Variants in UGGT2 observed in about 807,000 individuals in gnomAD.
The protein encoded by UGGT2 is UDP-glucose:glycoprotein glucosyltransferase 2.
Under a neutral mutation model 192.1 loss-of-function variants are expected in UGGT2, and 180 were observed. The ratio of observed to expected loss-of-function variants is 0.94; its 90% CI spans 0.83 to 1.06. UGGT2 has a LOEUF of 1.06. Among genes scored for constraint, UGGT2 ranks in the 50% least tolerant of loss-of-function variants. UGGT2 has a pLI of 0.00. For missense variants in UGGT2, 1,849 were observed against 1,795.7 expected, an observed-to-expected ratio of 1.03 and a Z score of -0.54; for synonymous variants, 580 against 591.0, an observed-to-expected ratio of 0.98 and a Z score of 0.27.
intron 15 of UGGT2, among the ~76,000 whole-genome samples, chr13:95,946,482 C>T (rs1248469810): frequency 1.3e-5 from 2 of 152,344 alleles, no homozygotes; most frequent in Non-Finnish European, 2.9e-5. Context: ...GATCCTCCCA[C>T]ATCAGTCTCC....
rs763424210 is a variant in UGGT2 at position 95,985,753 on chromosome 13, T to TGCATGCACC, written c.1031+571_1031+579dup. ...TCTCATAATACGTGGTAACTTGCAT[T>TGCATGCACC]GCATGCACCGGTCTCTTTAAGCTAT... On this transcript the variant is annotated intron_variant, in intron 9 of 38. Coordinates refer to ENST00000376747, the MANE Select transcript of UGGT2 (RefSeq NM_020121.4). Among the ~76,000 whole-genome samples, 53 of 152,212 alleles carry TGCATGCACC rather than the reference T, an allele frequency of 3.5e-4. 1 individual carries two copies. The highest frequency in any genetic ancestry group is 1.5e-4 in the Non-Finnish European group (10 of 67,998).
At chr13:96,000,219 G>A (rs1263203046) in intron 5 of UGGT2, among the ~76,000 whole-genome samples, 1 of 152,168 alleles carries the variant, frequency 6.6e-6, no homozygotes, top group South Asian at 2.1e-4. Flanking sequence ...TTTGCACAGG[G>A]ACAGTTTTGC....
chr13:95,882,088 T>C lies in UGGT2; in HGVS notation c.3228+2403A>G, dbSNP rs1018368470. Among the ~76,000 whole-genome samples, 3 of 151,876 alleles carry C rather than the reference T, an allele frequency of 2.0e-5. No homozygotes were observed. In the East Asian group the frequency reaches 5.8e-4, roughly 29 times the overall value. On this transcript the variant is annotated intron_variant, in intron 27 of 38. Transcript: ENST00000376747. ...CATGCCCGGCTAATTTTTCTATTTT[T>C]AGTAGAGATGGAGGTTTCACCATGT...
At chr13:95,885,447 G>A (rs190674494) in intron 26 of UGGT2, among the ~76,000 whole-genome samples, 1 of 152,136 alleles carries the variant, frequency 6.6e-6, no homozygotes, top group Non-Finnish European at 1.5e-5. Context: ...TCCCAAAAAG[G>A]CATCTCCAAT....
At chr13:95,967,191 T>C (rs1202463313) in intron 12 of UGGT2, among the ~76,000 whole-genome samples, 1 of 151,680 alleles carries the variant, frequency 6.6e-6, no homozygotes, top group Admixed American at 6.6e-5. Flanking sequence ...TCTTGCTCTG[T>C]TGCCAGGCTT....
At chr13:95,976,280 A>G (rs1287857526) in intron 10 of UGGT2, among the ~76,000 whole-genome samples, 1 of 152,128 alleles carries the variant, frequency 6.6e-6, no homozygotes, top group Non-Finnish European at 1.5e-5. Context: ...ATAATATTCC[A>G]TTGTGTCTAT....
intron 2 of UGGT2, among the ~76,000 whole-genome samples, chr13:96,029,988 A>T (rs993497615): frequency 6.6e-6 from 1 of 152,192 alleles, no homozygotes; most frequent in Non-Finnish European, 1.5e-5. Context: ...ATATTAATCT[A>T]GCCTACTTTT....
At chr13:95,916,272 G>A (rs150550437) in intron 20 of UGGT2, among the ~76,000 whole-genome samples, 13 of 152,198 alleles carry the variant, frequency 8.5e-5, no homozygotes, top group African/African-American at 2.9e-4. Flanking sequence ...AAGCAACTAG[G>A]GTCTGGAGTG....
intron 22 of UGGT2, among the ~76,000 whole-genome samples, chr13:95,900,579 T>C (rs2048075550): frequency 6.6e-6 from 1 of 152,130 alleles, no homozygotes; most frequent in African/African-American, 2.4e-5. Flanking sequence ...ATAAAGAACA[T>C]TCTTCCTTAC....
chr13:95,860,489 TA>T (rs947668386), intron 32 of UGGT2, among the ~76,000 whole-genome samples: 58 of 139,738 alleles, frequency 4.2e-4, no homozygotes, highest in Non-Finnish European at 4.2e-4. Flanking sequence ...TAATTTTAAG[TA>T]AAAAAAAAAA....
rs1180742419 is a variant in UGGT2, at chr13:95,986,357, G to A, written c.1007C>T (p.Ser336Leu). Residue 336 changes from serine to leucine, a missense_variant, in exon 9 of 39, where the codon TCA becomes TTA. Transcript: ENST00000376747. ...YDSIKLMKDI[S>L]QNFPIKARSL... The stretch of plus-strand genomic sequence containing the variant: ...CCTGGCTTTTATGGGGAAGTTCTGT[G>A]AAATGTCTTTCATTAATTTAATGGA... 11 of 1,601,554 alleles carry A rather than the reference G, an allele frequency of 6.9e-6. No individual in the cohort carries two copies. Among genetic ancestry groups the A allele is most frequent in the Non-Finnish European group, 9.4e-6 (11 of 1,170,506 alleles).
chr13:95,839,163 C>T (rs1887603822), intron 36 of UGGT2, among the ~76,000 whole-genome samples: 1 of 151,986 alleles, frequency 6.6e-6, no homozygotes, highest in Non-Finnish European at 1.5e-5. Flanking sequence ...ACACACTACC[C>T]CCCATGCCGA....
At chr13:95,838,792 T>C (rs1371158643) in intron 36 of UGGT2, among the ~76,000 whole-genome samples, 1 of 152,134 alleles carries the variant, frequency 6.6e-6, no homozygotes, top group Non-Finnish European at 1.5e-5. Context: ...TACCATATTA[T>C]CTAAGCTACT....
intron 5 of UGGT2, among the ~76,000 whole-genome samples, chr13:96,001,307 C>T (rs1195003649): frequency 6.6e-6 from 1 of 152,094 alleles, no homozygotes; most frequent in African/African-American, 2.4e-5. Context: ...CTTTTCCTGG[C>T]TCATCCTGGC....
intron 38 of UGGT2, among the ~76,000 whole-genome samples, chr13:95,832,261 T>C (rs1886785935): frequency 6.6e-6 from 1 of 152,000 alleles, no homozygotes; most frequent in Non-Finnish European, 1.5e-5. Flanking sequence ...GGGGGTTTTT[T>C]AAGAAAGAGT....
At chr13:95,894,193 A>G (rs939146457) in intron 24 of UGGT2, among the ~76,000 whole-genome samples, 6 of 152,256 alleles carry the variant, frequency 3.9e-5, no homozygotes, top group Admixed American at 2.0e-4. Context: ...AGGCCACCCT[A>G]CATTTGATTA....
chr13:95,955,345 A>T (rs551702002), intron 12 of UGGT2, among the ~76,000 whole-genome samples: 1 of 152,278 alleles, frequency 6.6e-6, no homozygotes, highest in East Asian at 1.9e-4. Flanking sequence ...TTTCCAGAAA[A>T]GTTGCAATAG....
chr13:95,916,300 A>G (rs1213291386), intron 20 of UGGT2, among the ~76,000 whole-genome samples: 2 of 152,350 alleles, frequency 1.3e-5, no homozygotes, highest in East Asian at 3.9e-4. Context: ...AGCAAACTGC[A>G]GCAGCCCTAC....
At chr13:95,834,551 G>T (rs947820777) in intron 37 of UGGT2, among the ~76,000 whole-genome samples, 4 of 152,134 alleles carry the variant, frequency 2.6e-5, no homozygotes, top group East Asian at 1.9e-4. Context: ...AATATTATTA[G>T]TCATGCTCTT....
Sources: gnomAD v4.1 joint callset for allele counts (sites outside exome capture counted in the v4.1 genomes callset) on GRCh38, gnomAD v4.1.1 for gene constraint, MANE v1.5 for transcripts, NCBI Gene and HGNC (gene_info 2026-07-23, HGNC 2026-07-21) for gene names.